The following LIPE variants were observed in gnomAD, a reference collection of about 807,000 sequenced individuals.
The protein encoded by LIPE is hormone-sensitive lipase.
LIPE carries 66 observed loss-of-function variants against 88.5 expected under a neutral mutation model. The observed-to-expected ratio is 0.75, with a 90% CI of 0.61 to 0.91. The LOEUF (loss-of-function observed/expected upper bound fraction) is 0.91, where lower values mean the gene tolerates loss of function less well. Ranked by LOEUF, LIPE falls within the 40% of genes least tolerant of loss-of-function variation. The probability of loss-of-function intolerance (pLI) is 0.00; values close to 1 mark genes in which losing one functional copy is unlikely to be tolerated. For synonymous variants in LIPE, 570 were observed against 617.5 expected (o/e 0.92, Z 1.14); for missense variants, 1,346 against 1,434.7 (o/e 0.94, Z 1.00).
Position 42,409,619 on chromosome 19 carries a change from G to A in LIPE, c.1419+688C>T, listed in dbSNP as rs541796471. 3.3e-5 allele frequency among the ~76,000 whole-genome samples: 5 copies of A among 152,316 alleles called. No homozygotes were observed. In the East Asian group the frequency reaches 9.6e-4, roughly 29 times the overall value. ...AAAGGGGAGACTGCCCTGCACCAAGGCAGAGCTGGGCCCTGCCCCTGGCTG... is the reference window on the plus strand; with the variant it reads ...AAAGGGGAGACTGCCCTGCACCAAGACAGAGCTGGGCCCTGCCCCTGGCTG... On this transcript the variant is annotated intron_variant, in intron 2 of 9. Transcript: ENST00000244289.
intron 1 of LIPE, among the ~76,000 whole-genome samples, chr19:42,417,021 C>A (rs542233777): frequency 2.0e-5 from 3 of 152,116 alleles, no homozygotes; most frequent in African/African-American, 7.2e-5. Context: ...CCCGGGTTCA[C>A]GCCATTCTCC....
At chr19:42,423,629 CT>C (rs2040647826) in intron 1 of LIPE, 4 of 1,179,272 alleles carry the variant, frequency 3.4e-6, no homozygotes, top group Non-Finnish European at 4.3e-6. Flanking sequence ...TCGGGCCCCC[CT>C]ATTACCCAAT....
Position 42,402,986 on chromosome 19 carries a change from T to C in LIPE, c.2588A>G (p.Gln863Arg). The C allele has an allele frequency of 1.2e-6, 2 of 1,600,632 alleles. No homozygotes were observed. Among genetic ancestry groups the C allele is most frequent in the Non-Finnish European group, 1.7e-6 (2 of 1,176,940 alleles). ...SVSEAALAQP[Q>R]GPLGTDSLKN... ...GAGGGAATCCGTGCCCAGTGGGCCC[T>C]GGGGCTGGGCCAGTGCTGCTTCAGA... Residue 863 changes from glutamine to arginine, a missense_variant, in exon 9 of 10, where the codon CAG (glutamine) becomes CGG (arginine). Coordinates refer to ENST00000244289, the MANE Select transcript of LIPE (RefSeq NM_005357.4).
rs552154629 is a variant in LIPE at position 42,417,109 on chromosome 19, A to C, written c.884-6267T>G. Among the ~76,000 whole-genome samples the C allele has an allele frequency of 1.4e-4, 21 of 152,066 alleles. No individual in the cohort carries two copies. In the East Asian group the frequency reaches 3.5e-3, roughly 25 times the overall value. ...CTAATTTTTTGTATTTTTAGTAGAG[A>C]CGGGGTTTCACCATGTTAGCTAGGA... On this transcript the variant is annotated intron_variant, in intron 1 of 9. Transcript: ENST00000244289.
Position 42,406,248 on chromosome 19 carries a change from G to C in LIPE, c.2278C>G (p.Pro760Ala). 2 of 1,613,866 alleles carry C rather than the reference G, an allele frequency of 1.2e-6. No individual in the cohort carries two copies. The highest frequency in any genetic ancestry group is 1.3e-5 in the African/African-American group (1 of 75,050). Reference protein sequence around the residue: ...MAAYPATMLQPAASPSRLLSL... With the variant: ...MAAYPATMLQAAASPSRLLSL... ...AGCAGGCGGGAGGGAGAGGCGGCAG[G>C]CTGCAGCATTGTGGCCGGGTAGGCT... is the stretch of plus-strand genomic sequence containing the variant. The change falls in exon 7 of 10, where the codon CCT becomes GCT. Residue 760 changes from proline to alanine, a missense_variant. Physicochemically the swap from Pro to Ala is conservative, Grantham distance 27 (BLOSUM62 -1). Coordinates refer to ENST00000244289, the MANE Select transcript of LIPE (RefSeq NM_005357.4). The surrounding 1 kb of genome is among the most constrained non-coding windows in gnomAD (Gnocchi z 5.7).
At chr19:42,423,599 A>G (rs2040646880) in intron 1 of LIPE, 1 of 1,209,698 alleles carries the variant, frequency 8.3e-7, no homozygotes, top group Non-Finnish European at 1.0e-6. Flanking sequence ...CGGAGGGCCA[A>G]TCCTCGCTAC....
chr19:42,412,051 C>T (rs2040390130), intron 1 of LIPE, among the ~76,000 whole-genome samples: 1 of 152,206 alleles, frequency 6.6e-6, no homozygotes, highest in Non-Finnish European at 1.5e-5. Context: ...TTATGTGGGG[C>T]TCCCCGCTAG....
Position 42,414,263 on chromosome 19 carries a change from ACT to A in LIPE, c.884-3423_884-3422del, listed in dbSNP as rs2040444590. Among the ~76,000 whole-genome samples, 4 of 152,142 alleles carry A rather than the reference ACT, an allele frequency of 2.6e-5. No individual in the cohort carries two copies. The South Asian group carries it at 8.3e-4, about 32-fold the overall frequency. On this transcript the variant is annotated intron_variant, in intron 1 of 9. Transcript: ENST00000244289. This position sits in a 1 kb window ranked among gnomAD's most constrained non-coding sequence, Gnocchi z 4.6. ...TACTCCAGCCTGGCGATAAAGCGAGACTCTGTCAGAAAAGAAAGGAAAGAAAG... is the reference window on the plus strand; with the variant it reads ...TACTCCAGCCTGGCGATAAAGCGAGACTGTCAGAAAAGAAAGGAAAGAAAG...
intron 1 of LIPE, chr19:42,412,268 C>A (rs369353196): frequency 4.1e-6 from 4 of 985,500 alleles, no homozygotes; most frequent in Middle Eastern, 5.2e-4. Flanking sequence ...AAGCCCAGCA[C>A]CTTGCCTGTT....
intron 1 of LIPE, chr19:42,423,662 G>A: frequency 1.7e-6 from 2 of 1,161,856 alleles, no homozygotes; most frequent in South Asian, 1.6e-5. Context: ...TCTTCTCTGG[G>A]TCCAGCTCCC....
intron 1 of LIPE, chr19:42,412,499 C>T (rs2040403776): frequency 3.0e-6 from 3 of 985,670 alleles, no homozygotes; most frequent in East Asian, 2.3e-4. Context: ...CACCTCCCAC[C>T]CAGAAAGATC....
chr19:42,423,262 C>T, intron 1 of LIPE: 1 of 435,340 alleles, frequency 2.3e-6, no homozygotes, highest in Non-Finnish European at 3.9e-6. Flanking sequence ...TCACCCCCTT[C>T]TCACAATGGA....
At chr19:42,405,843 C>T in intron 7 of LIPE, 1 of 539,846 alleles carries the variant, frequency 1.9e-6, no homozygotes, top group Non-Finnish European at 3.3e-6. Flanking sequence ...GCCTGTAGTT[C>T]CAGCTACTTG....
rs903870586 is a variant in LIPE, at chr19:42,410,961, T to C, written c.884-119A>G. On this transcript the variant is annotated intron_variant, in intron 1 of 9. Coordinates refer to ENST00000244289, the MANE Select transcript of LIPE (RefSeq NM_005357.4). The surrounding 1 kb of genome is among the most constrained non-coding windows in gnomAD (Gnocchi z 6.1). ...CTTCAAACCTCAGTGCTGTCTTCTTTCAGTTCCAGGGGCCCAGGACCCCAG... is the reference window on the plus strand; with the variant it reads ...CTTCAAACCTCAGTGCTGTCTTCTTCCAGTTCCAGGGGCCCAGGACCCCAG... 13 of 1,005,782 alleles carry C rather than the reference T, an allele frequency of 1.3e-5. No individual in the cohort carries two copies. The Admixed American group carries it at 2.7e-4, about 21-fold the overall frequency. The allele number at this position is 1,005,782 out of a possible 1,614,324, so 62.3% of individuals were successfully genotyped here.
At chr19:42,423,970 A>C (rs1217734292) in intron 1 of LIPE, 1 of 1,164,270 alleles carries the variant, frequency 8.6e-7, no homozygotes, top group African/African-American at 1.6e-5. Context: ...CCGCCTTTTG[A>C]AGGGGGAAAG....
At chr19:42,423,519 TC>T in intron 1 of LIPE, 1 of 1,267,604 alleles carries the variant, frequency 7.9e-7, no homozygotes, top group Non-Finnish European at 1.0e-6. Context: ...CGGGCTCCGT[TC>T]CCCCGGCCAA....
Position 42,401,858 on chromosome 19 carries a change from T to TACCCCCGCAGCCCCCGTCTA in LIPE, c.3184_3185insTAGACGGGGGCTGCGGGGGT (p.Glu1062ValfsTer14). On this transcript the variant is annotated frameshift_variant, in exon 10 of 10. Coordinates refer to ENST00000244289, the MANE Select transcript of LIPE (RefSeq NM_005357.4). LOFTEE classifies it low-confidence loss of function (END_TRUNC). ...CCCGTCTACCCCCGCAGCCCCCGTCTCCCCGCTCGGCCCGGCTCCGGCGGG... is the reference window on the plus strand; with the variant it reads ...CCCGTCTACCCCCGCAGCCCCCGTCTACCCCCGCAGCCCCCGTCTACCCCGCTCGGCCCGGCTCCGGCGGG... 7.5e-7 allele frequency: 1 copy of TACCCCCGCAGCCCCCGTCTA among 1,328,068 alleles called. No homozygotes were observed. Among genetic ancestry groups the TACCCCCGCAGCCCCCGTCTA allele is most frequent in the South Asian group, 1.3e-5 (1 of 77,600 alleles). 82.3% of individuals were successfully genotyped at this position (1,328,068 alleles called of 1,614,324 possible).
chr19:42,404,496 T>C (rs1365065335), intron 8 of LIPE, among the ~76,000 whole-genome samples: 2 of 152,200 alleles, frequency 1.3e-5, no homozygotes, highest in African/African-American at 4.8e-5. Flanking sequence ...CCCAAAGTGC[T>C]GGGATTACAG....
In LIPE at chr19:42,427,098, G is replaced by C; in HGVS notation, c.52C>G (p.His18Asp). The C allele has an allele frequency of 6.2e-7, 1 of 1,612,514 alleles. No individual in the cohort carries two copies. Among genetic ancestry groups the C allele is most frequent in the Non-Finnish European group, 8.5e-7 (1 of 1,179,626 alleles). Residue 18 changes from histidine to aspartate, a missense_variant, in exon 1 of 10, where the codon CAC (histidine) becomes GAC (aspartate). Physicochemically the swap from His to Asp is moderately conservative, Grantham distance 81. Coordinates refer to ENST00000244289, the MANE Select transcript of LIPE (RefSeq NM_005357.4). Reference sequence around the variant, plus strand: ...TCTAGCGGGGTTATAGGCCTCTGGTGTGGTTCAGGTTGCCAGTCTGACCTA... The same window carrying C: ...TCTAGCGGGGTTATAGGCCTCTGGTCTGGTTCAGGTTGCCAGTCTGACCTA... ...VSRSDWQPEP[H>D]QRPITPLEPG... is the part of the protein sequence containing the mutation.
Sources: gnomAD v4.1 joint callset for allele counts (sites outside exome capture counted in the v4.1 genomes callset) on GRCh38, gnomAD v4.1.1 for gene constraint, Gnocchi (gnomAD v3.1) non-coding constraint, MANE v1.5 for transcripts, NCBI Gene and HGNC (gene_info 2026-07-23, HGNC 2026-07-21) for gene names.